The following UTRN variants were observed in gnomAD, a reference collection of about 807,000 sequenced individuals.
UTRN encodes utrophin, also known as dystrophin-related protein 1.
UTRN carries 283 observed loss-of-function variants against 463.9 expected under a neutral mutation model. The observed-to-expected ratio is 0.61, with a 90% CI of 0.55 to 0.67. The LOEUF (loss-of-function observed/expected upper bound fraction) is 0.67, where lower values mean the gene tolerates loss of function less well. Among genes scored for constraint, UTRN ranks in the 30% least tolerant of loss-of-function variants. The pLI is 0.00. For synonymous variants in UTRN, 1,442 were observed against 1,431.5 expected (o/e 1.01, Z -0.17); for missense variants, 3,922 against 4,084.3 (o/e 0.96, Z 1.08).
At chr6:144,618,663 G>A (rs967026388) in intron 51 of UTRN, among the ~76,000 whole-genome samples, 1 of 152,002 alleles carries the variant, frequency 6.6e-6, no homozygotes. Flanking sequence ...TTATTTGACA[G>A]ATATTTATTT....
intron 23 of UTRN, among the ~76,000 whole-genome samples, chr6:144,468,941 C>T (rs1013260494): frequency 3.3e-5 from 5 of 152,160 alleles, no homozygotes; most frequent in African/African-American, 1.2e-4. Context: ...TTCACCCATA[C>T]AGGTACAGGT....
chr6:144,287,899 T>C (rs1368689374), intron 1 of UTRN, among the ~76,000 whole-genome samples: 1 of 152,230 alleles, frequency 6.6e-6, no homozygotes, highest in African/African-American at 2.4e-5. Flanking sequence ...TAAAGCAACA[T>C]CTCATTCATT....
Position 144,490,085 on chromosome 6 carries a change from G to A in UTRN, c.4149G>A (p.Glu1383=). The change falls in exon 31 of 75, where the codon GAG becomes GAA. Residue 1383 remains glutamate, a synonymous_variant. Transcript: ENST00000367545. The part of the protein sequence containing the change: ...VPQEAQKIQA[E]ISAHELTLEE... ...TCTCTTTTTAGAAAATCCAAGCAGA[G>A]ATCTCAGCCCATGAGCTAACCCTAG... 1 of 1,610,878 alleles carries A rather than the reference G, an allele frequency of 6.2e-7. No homozygotes were observed. The highest frequency in any genetic ancestry group is 8.5e-7 in the Non-Finnish European group (1 of 1,179,030).
intron 53 of UTRN, among the ~76,000 whole-genome samples, chr6:144,714,502 C>T (rs1786160967): frequency 6.6e-6 from 1 of 152,200 alleles, no homozygotes; most frequent in Non-Finnish European, 1.5e-5. Flanking sequence ...CATGCAGTCA[C>T]ACAGGGCTCT....
rs567664044 is a variant in UTRN at position 144,791,709 on chromosome 6, G to T, written c.8921-2125G>T. 3.3e-5 allele frequency among the ~76,000 whole-genome samples: 5 copies of T among 151,920 alleles called. No individual in the cohort carries two copies. The East Asian group carries it at 7.7e-4, about 23-fold the overall frequency. On this transcript the variant is annotated intron_variant, in intron 62 of 74. Coordinates refer to ENST00000367545, the MANE Select transcript of UTRN (RefSeq NM_007124.3). ...CCCCTTTACCCTGACACTGCTTTTT[G>T]TATCTTACTATAATGTTGAGAATGT...
chr6:144,291,028 C>A (rs375356127), intron 1 of UTRN, among the ~76,000 whole-genome samples: 1 of 151,948 alleles, frequency 6.6e-6, no homozygotes, highest in Non-Finnish European at 1.5e-5. Context: ...CCTGCCTCGG[C>A]CTCCCAAAGT....
In UTRN at chr6:144,607,301, GTTTGGAAAATTCTGCAAATTATGCTTTCC is replaced by G. The variant is rs202243726; in HGVS notation, c.7479+30020_7479+30048del. Among the ~76,000 whole-genome samples, 77 of 152,310 alleles carry G rather than the reference GTTTGGAAAATTCTGCAAATTATGCTTTCC, an allele frequency of 5.1e-4. No homozygotes were observed. In the East Asian group the frequency reaches 0.012, roughly 23 times the overall value. On this transcript the variant is annotated intron_variant, in intron 51 of 74. Transcript: ENST00000367545. ...CTGTGAAAGTGATTTCTGTGGCCCA[GTTTGGAAAATTCTGCAAATTATGCTTTCC>G]TTTGGAGCTGCACGATGCACATTAT...
At chr6:144,708,625 A>G (rs1785334113) in intron 53 of UTRN, 1 of 219,774 alleles carries the variant, frequency 4.6e-6, no homozygotes. Flanking sequence ...TTGAGAAATC[A>G]TTTCCCAAAA....
chr6:144,532,264 A>G (rs1268654896), intron 42 of UTRN, among the ~76,000 whole-genome samples: 1 of 152,206 alleles, frequency 6.6e-6, no homozygotes, highest in Non-Finnish European at 1.5e-5. Flanking sequence ...AGACCAGTGT[A>G]TTAGTCTGTT....
intron 35 of UTRN, 36 bp from the exon 36 acceptor site, chr6:144,513,873 T>C (rs1182161624): frequency 1.3e-6 from 2 of 1,599,538 alleles, no homozygotes; most frequent in East Asian, 2.2e-5. Flanking sequence ...AAATATTTCA[T>C]ATGGTTATGT....
At chr6:144,617,321 C>T (rs970221980) in intron 51 of UTRN, among the ~76,000 whole-genome samples, 9 of 152,160 alleles carry the variant, frequency 5.9e-5, no homozygotes, top group Non-Finnish European at 8.8e-5. Context: ...ACCCACTGGC[C>T]TACCCATCCA....
At chr6:144,296,985 C>A (rs1248160958) in intron 2 of UTRN, among the ~76,000 whole-genome samples, 1 of 152,116 alleles carries the variant, frequency 6.6e-6, no homozygotes, top group Non-Finnish European at 1.5e-5. Flanking sequence ...AGAGGACAAA[C>A]AGTCCTTTGG....
rs76364956 is a variant in UTRN, at chr6:144,285,710, A to G, written c.-204A>G. 6.6e-6 allele frequency: 1 copy of G among 151,886 alleles called. No homozygotes were observed. The highest frequency in any genetic ancestry group is 2.4e-5 in the African/African-American group (1 of 41,310). The allele number at this position is 151,886 out of a possible 1,614,324, so 9.4% of individuals were successfully genotyped here. On this transcript the variant is annotated 5_prime_UTR_variant, in exon 1 of 75. Transcript: ENST00000367545. ...TTTAAATACATCGCACCACCAAACT[A>G]ACACTCGCACACACCCCCGCGGTTA...
intron 51 of UTRN, among the ~76,000 whole-genome samples, chr6:144,658,635 A>G (rs1352916568): frequency 1.3e-5 from 2 of 152,248 alleles, no homozygotes; most frequent in African/African-American, 4.8e-5. Flanking sequence ...TGTCACCATT[A>G]TAAGCACTGC....
intron 25 of UTRN, among the ~76,000 whole-genome samples, chr6:144,477,869 C>CTTTATCTATCTATCTATCTA (rs150288402): frequency 6.0e-5 from 9 of 148,896 alleles, no homozygotes; most frequent in African/African-American, 1.5e-4. Context: ...AAGTTTGTAT[C>CTTTATCTATCTATCTATCTA]TCTATCTATC....
chr6:144,704,662 G>A (rs1010821531), intron 53 of UTRN, among the ~76,000 whole-genome samples: 2 of 152,068 alleles, frequency 1.3e-5, no homozygotes, highest in Non-Finnish European at 2.9e-5. Context: ...AGAAATAAAA[G>A]CTTAAAAGAT....
chr6:144,743,451 A>G (rs1435147860), intron 54 of UTRN, among the ~76,000 whole-genome samples: 2 of 152,212 alleles, frequency 1.3e-5, no homozygotes, highest in Non-Finnish European at 2.9e-5. Context: ...TCTACTATCA[A>G]GATTTCTTTG....
chr6:144,643,596 A>G (rs1354852572), intron 51 of UTRN, among the ~76,000 whole-genome samples: 1 of 152,118 alleles, frequency 6.6e-6, no homozygotes, highest in East Asian at 1.9e-4. Context: ...CAGGAGTTCA[A>G]GACCAGCCCG....
intron 51 of UTRN, among the ~76,000 whole-genome samples, chr6:144,625,533 T>G (rs1180930974): frequency 6.6e-6 from 1 of 152,214 alleles, no homozygotes; most frequent in African/African-American, 2.4e-5. Flanking sequence ...AGAATACTGG[T>G]CTAAAATCAC....
Sources: allele counts gnomAD v4.1 joint callset (sites outside exome capture counted in the v4.1 genomes callset), GRCh38; gene constraint gnomAD v4.1.1; transcripts MANE v1.5; gene names NCBI Gene and HGNC (gene_info 2026-07-23, HGNC 2026-07-21).